MEI4: variants seen among roughly 807,000 people sequenced by gnomAD.
MEI4 encodes the protein meiosis-specific protein MEI4.
In MEI4, 27 loss-of-function variants were observed where a neutral mutation model predicts 31.4. The observed-to-expected ratio is 0.86, with a 90% CI of 0.63 to 1.19. The LOEUF (loss-of-function observed/expected upper bound fraction) is 1.19. MEI4 is among the 50% of genes most tolerant of loss of function. The pLI is 0.00. For missense variants in MEI4, 329 were observed against 398.9 expected (o/e 0.82, Z 1.49); for synonymous variants, 122 against 145.4 (o/e 0.84, Z 1.16).
intron 1 of MEI4, among the ~76,000 whole-genome samples, chr6:77,657,232 T>G (rs1196508266): frequency 6.6e-6 from 1 of 152,226 alleles, no homozygotes; most frequent in African/African-American, 2.4e-5. Context: ...ACTCATTGAT[T>G]AAAAAGCTGA....
At chr6:77,751,521 T>C (rs1582102436) in intron 2 of MEI4, among the ~76,000 whole-genome samples, 2 of 151,810 alleles carry the variant, frequency 1.3e-5, no homozygotes, top group Admixed American at 1.3e-4. Context: ...TCTAGAAGAA[T>C]TGGGTAAGTT....
At chr6:77,700,072 G>A (rs987103137) in intron 2 of MEI4, among the ~76,000 whole-genome samples, 7 of 152,216 alleles carry the variant, frequency 4.6e-5, no homozygotes, top group East Asian at 1.9e-4. Context: ...CAGTCTGCCC[G>A]TTCTCAGATC....
At position 77,697,193 on chromosome 6, in the gene MEI4, T is replaced by C. The variant is rs576057004; in HGVS notation, c.232+6290T>C. ...TTAGTGTTGCTAGCGGTCTATCAAT[T>C]TTGTTGATCTTTTCAAAAAACCAGC... is the stretch of plus-strand genomic sequence containing the variant. On this transcript the variant is annotated intron_variant, in intron 2 of 4. Coordinates refer to ENST00000684080, the MANE Select transcript of MEI4 (RefSeq NM_001322247.2). 4.6e-5 allele frequency among the ~76,000 whole-genome samples: 7 copies of C among 152,320 alleles called. No individual in the cohort carries two copies. In the East Asian group the frequency reaches 9.7e-4, roughly 21 times the overall value.
chr6:77,797,280 G>T (rs972902026), intron 3 of MEI4, among the ~76,000 whole-genome samples: 1 of 152,082 alleles, frequency 6.6e-6, no homozygotes, highest in Non-Finnish European at 1.5e-5. Context: ...ATTGGTCTTG[G>T]CAGTGATTTT....
chr6:77,864,418 A>G (rs1770960142), intron 4 of MEI4, among the ~76,000 whole-genome samples: 2 of 149,130 alleles, frequency 1.3e-5, no homozygotes, highest in South Asian at 4.4e-4. Flanking sequence ...AAAAAAAGGC[A>G]GGGGTTGCAA....
chr6:77,831,078 T>A (rs2127711986), intron 4 of MEI4, among the ~76,000 whole-genome samples: 1 of 136,460 alleles, frequency 7.3e-6, no homozygotes, highest in Admixed American at 7.4e-5. Flanking sequence ...CAATCTGAAT[T>A]AAAAATGGCC....
At chr6:77,685,240 T>C (rs138215725) in intron 1 of MEI4, among the ~76,000 whole-genome samples, 142 of 152,252 alleles carry the variant, frequency 9.3e-4, no homozygotes, top group African/African-American at 3.2e-3. Context: ...TCCTTATATA[T>C]TCTGGCTATC....
intron 2 of MEI4, among the ~76,000 whole-genome samples, chr6:77,728,826 C>G (rs1766894606): frequency 6.6e-6 from 1 of 152,176 alleles, no homozygotes; most frequent in South Asian, 2.1e-4. Flanking sequence ...GAGGAAACAC[C>G]TGTTCCAGTG....
At position 77,722,035 on chromosome 6, in the gene MEI4, G is replaced by A. The variant is rs1328170753; in HGVS notation, c.232+31132G>A. Among the ~76,000 whole-genome samples, 16 of 121,522 alleles carry A rather than the reference G, an allele frequency of 1.3e-4. 1 individual carries two copies. The highest frequency in any genetic ancestry group is 4.6e-4 in the African/African-American group (15 of 32,462). The allele number at this position is 121,522 out of a possible 152,430, so 79.7% of individuals were successfully genotyped here. A position where few individuals can be genotyped will look rare whatever the true frequency, so the allele number is the denominator to read the frequency against. The stretch of plus-strand genomic sequence containing the variant: ...GAGGTAACACTTTCCACTGAAACCT[G>A]GTGGCTGGTTCTTTATTATTTATGG... On this transcript the variant is annotated intron_variant, in intron 2 of 4. Coordinates refer to ENST00000684080, the MANE Select transcript of MEI4 (RefSeq NM_001322247.2).
chr6:77,689,802 AT>A (rs1360325043), intron 1 of MEI4, among the ~76,000 whole-genome samples: 1 of 152,060 alleles, frequency 6.6e-6, no homozygotes, highest in African/African-American at 2.4e-5. Flanking sequence ...AGTCCTGAAT[AT>A]TCTGGGTCAT....
chr6:77,712,906 G>A (rs1431485880), intron 2 of MEI4, among the ~76,000 whole-genome samples: 1 of 151,698 alleles, frequency 6.6e-6, no homozygotes, highest in Non-Finnish European at 1.5e-5. Context: ...GGGAGGCGGA[G>A]CTTGCAGTGA....
chr6:77,740,662 G>A (rs900077496), intron 2 of MEI4, among the ~76,000 whole-genome samples: 10 of 152,118 alleles, frequency 6.6e-5, no homozygotes, highest in Middle Eastern at 6.8e-3. Flanking sequence ...TATTATTAAT[G>A]CTAGGAAATC....
chr6:77,911,168 C>G (rs993598839), intron 4 of MEI4, among the ~76,000 whole-genome samples: 1 of 151,842 alleles, frequency 6.6e-6, no homozygotes, highest in Admixed American at 6.6e-5. Context: ...GGATATTAGT[C>G]CATTTATTTA....
At chr6:77,827,772 G>A (rs1041785406) in intron 3 of MEI4, among the ~76,000 whole-genome samples, 3 of 152,104 alleles carry the variant, frequency 2.0e-5, no homozygotes, top group Admixed American at 6.6e-5. Flanking sequence ...AAAAGGGCAA[G>A]TGTCAATTAA....
chr6:77,863,600 G>A (rs545556051), intron 4 of MEI4, among the ~76,000 whole-genome samples: 5 of 152,288 alleles, frequency 3.3e-5, no homozygotes, highest in South Asian at 4.1e-4. Context: ...CCAAATCTAC[G>A]TCTGATTGGT....
intron 1 of MEI4, among the ~76,000 whole-genome samples, chr6:77,675,187 C>T (rs1768818899): frequency 6.6e-6 from 1 of 151,826 alleles, no homozygotes; most frequent in South Asian, 2.1e-4. Flanking sequence ...TTTTTCTGTG[C>T]ATTGCTTGTT....
rs1248464021 is a variant in MEI4, at chr6:77,731,791, G to C, written c.233-29339G>C. ...AACATGTAAGTCTTTAAACCATCTTGAATTAATTTTTGTATAAGGTGTAAG... is the reference window on the plus strand; with the variant it reads ...AACATGTAAGTCTTTAAACCATCTTCAATTAATTTTTGTATAAGGTGTAAG... On this transcript the variant is annotated intron_variant, in intron 2 of 4. Coordinates refer to ENST00000684080, the MANE Select transcript of MEI4 (RefSeq NM_001322247.2). Among the ~76,000 whole-genome samples the C allele has an allele frequency of 5.3e-5, 8 of 152,024 alleles. No individual in the cohort carries two copies. In the East Asian group the frequency reaches 1.4e-3, roughly 26 times the overall value.
chr6:77,866,310 T>C (rs983999336), intron 4 of MEI4, among the ~76,000 whole-genome samples: 1 of 152,152 alleles, frequency 6.6e-6, no homozygotes, highest in African/African-American at 2.4e-5. Context: ...GCAGATGACA[T>C]GATTGTATAT....
intron 4 of MEI4, among the ~76,000 whole-genome samples, chr6:77,913,467 TG>T (rs1766474509): frequency 6.6e-6 from 1 of 152,144 alleles, no homozygotes; most frequent in Non-Finnish European, 1.5e-5. Flanking sequence ...TTTCATTACT[TG>T]TGATTGATCT....
Sources: allele counts gnomAD v4.1 joint callset (sites outside exome capture counted in the v4.1 genomes callset), GRCh38; gene constraint gnomAD v4.1.1; transcripts MANE v1.5; gene names NCBI Gene and HGNC (gene_info 2026-07-23, HGNC 2026-07-21).